The following LMNB1 variants were observed in gnomAD, a reference collection of about 807,000 sequenced individuals.
LMNB1 encodes the protein lamin-B1.
Under a neutral mutation model 67.1 loss-of-function variants are expected in LMNB1, and 23 were observed. The observed-to-expected ratio is 0.34, with a 90% CI of 0.25 to 0.49. The LOEUF is 0.49. Among genes scored for constraint, LMNB1 ranks in the 20% least tolerant of loss-of-function variants. The probability of loss-of-function intolerance (pLI) is 0.99; values close to 1 mark genes in which losing one functional copy is unlikely to be tolerated. For missense variants in LMNB1, 634 were observed against 746.5 expected (o/e 0.85, Z 1.76); for synonymous variants, 281 against 282.9 (o/e 0.99, Z 0.07).
At chr5:126,810,129 AATGCAG>A in intron 3 of LMNB1, 45 bp from the exon 4 acceptor site, 2 of 1,542,372 alleles carry the variant, frequency 1.3e-6, no homozygotes, top group Non-Finnish European at 1.8e-6. Flanking sequence ...GATGTGTACC[AATGCAG>A]CCATGGTAAG....
chr5:126,779,918 G>T (rs1490216367), intron 1 of LMNB1, among the ~76,000 whole-genome samples: 1 of 152,230 alleles, frequency 6.6e-6, no homozygotes, highest in East Asian at 1.9e-4. Context: ...TGTAGTCTCA[G>T]CTACTTGGGA....
At chr5:126,822,757 C>G in intron 7 of LMNB1, 24 bp from the exon 8 acceptor site, 1 of 1,392,006 alleles carries the variant, frequency 7.2e-7, no homozygotes, top group Non-Finnish European at 1.0e-6. Flanking sequence ...AAGTAACACC[C>G]CTCACCCTCC....
chr5:126,819,759 A>G (rs1171507049), intron 6 of LMNB1, among the ~76,000 whole-genome samples: 1 of 152,074 alleles, frequency 6.6e-6, no homozygotes, highest in East Asian at 1.9e-4. Flanking sequence ...AAGTGCTAGG[A>G]TTACAGGTGT....
intron 9 of LMNB1, among the ~76,000 whole-genome samples, chr5:126,828,283 A>G (rs531863925): frequency 3.3e-5 from 5 of 152,318 alleles, no homozygotes; most frequent in African/African-American, 1.2e-4. Context: ...TTCGTGAGCC[A>G]TGGAATCTAG....
Position 126,818,917 on chromosome 5 carries a change from T to G in LMNB1, c.940-5T>G, listed in dbSNP as rs1045053003. On this transcript the variant is annotated splice_polypyrimidine_tract_variant and splice_region_variant and intron_variant, in intron 5 of 10. Coordinates refer to ENST00000261366, the MANE Select transcript of LMNB1 (RefSeq NM_005573.4). ...GAAAGTAAATATGTTTCCTTGCATCTTAAGTCTAGAGCATGTTTGGAAAGG... is the reference window on the plus strand; with the variant it reads ...GAAAGTAAATATGTTTCCTTGCATCGTAAGTCTAGAGCATGTTTGGAAAGG... The G allele has an allele frequency of 3.1e-6, 5 of 1,602,916 alleles. No individual in the cohort carries two copies. In the African/African-American group the frequency reaches 6.7e-5, roughly 21 times the overall value.
intron 7 of LMNB1, among the ~76,000 whole-genome samples, chr5:126,822,245 C>A (rs1294910958): frequency 6.6e-6 from 1 of 152,210 alleles, no homozygotes; most frequent in Non-Finnish European, 1.5e-5. Flanking sequence ...CCGCCTTGGC[C>A]TCCTAAAGTG....
chr5:126,795,493 A>G (rs895661144), intron 1 of LMNB1, among the ~76,000 whole-genome samples: 3 of 152,076 alleles, frequency 2.0e-5, no homozygotes, highest in African/African-American at 7.2e-5. Context: ...GACTTTCTGC[A>G]TGTTATGTAT....
At position 126,777,362 on chromosome 5, in the gene LMNB1, T is replaced by G. The variant is rs1218380630; in HGVS notation, c.-147T>G. 1.1e-6 allele frequency: 1 copy of G among 918,854 alleles called. No individual in the cohort carries two copies. The highest frequency in any genetic ancestry group is 1.4e-6 in the Non-Finnish European group (1 of 703,828). The allele number at this position is 918,854 out of a possible 1,614,324, so 56.9% of individuals were successfully genotyped here. ...GTAATCGAGCTCCCGCCATCCCAGG[T>G]GCTTCTCCGTTCCTCTAAACGCCAG... is the stretch of plus-strand genomic sequence containing the variant. On this transcript the variant is annotated 5_prime_UTR_variant, in exon 1 of 11. Transcript: ENST00000261366.
chr5:126,805,750 T>G, intron 3 of LMNB1, 54 bp downstream of exon 3: 1 of 1,201,962 alleles, frequency 8.3e-7, no homozygotes, highest in Non-Finnish European at 1.2e-6. Context: ...TAGAATGACT[T>G]TGTCATAGCT....
intron 9 of LMNB1, among the ~76,000 whole-genome samples, chr5:126,829,304 G>C (rs1752074260): frequency 6.6e-6 from 1 of 151,818 alleles, no homozygotes; most frequent in South Asian, 2.1e-4. Context: ...TTTCTCTTCT[G>C]GTTGCCTCCC....
In LMNB1 at chr5:126,821,043, A is replaced by G. The variant is rs754595053; in HGVS notation, c.1294A>G (p.Ile432Val). The G allele has an allele frequency of 1.2e-6, 2 of 1,614,082 alleles. No homozygotes were observed. The highest frequency in any genetic ancestry group is 1.3e-5 in the African/African-American group (1 of 75,036). ...ATCAGAGGCGAGTAGTAGTGTTAGCATCTCTCATTCCGCCTCAGCCACTGG... is the reference window on the plus strand; with the variant it reads ...ATCAGAGGCGAGTAGTAGTGTTAGCGTCTCTCATTCCGCCTCAGCCACTGG... ...EESEASSSVS[I>V]SHSASATGNV... The change falls in exon 7 of 11, where the codon ATC becomes GTC. Residue 432 changes from isoleucine to valine, a missense_variant. Physicochemically the swap from Ile to Val is conservative, Grantham distance 29. Transcript: ENST00000261366.
chr5:126,808,492 C>CT (rs550293350), intron 3 of LMNB1, among the ~76,000 whole-genome samples: 10,283 of 146,982 alleles, frequency 0.07, 405 homozygotes, highest in Middle Eastern at 0.1. Context: ...CTGGCCTTAA[C>CT]TTTTTTTTTT....
At chr5:126,798,058 C>T (rs1209512821) in intron 1 of LMNB1, among the ~76,000 whole-genome samples, 1 of 152,066 alleles carries the variant, frequency 6.6e-6, no homozygotes, top group Non-Finnish European at 1.5e-5. Flanking sequence ...ATTGCTTGAA[C>T]CCAGGAGGTA....
At chr5:126,832,638 C>G (rs1280192642) in intron 9 of LMNB1, 56 bp from the exon 10 acceptor site, 2 of 1,247,756 alleles carry the variant, frequency 1.6e-6, no homozygotes, top group East Asian at 4.9e-5. Flanking sequence ...GGTCCCTCTC[C>G]CCCGCATTTG....
At chr5:126,788,072 T>C (rs1443727810) in intron 1 of LMNB1, among the ~76,000 whole-genome samples, 2 of 151,912 alleles carry the variant, frequency 1.3e-5, no homozygotes, top group Non-Finnish European at 2.9e-5. Context: ...GAAGGTGGAT[T>C]TAAGAGATAC....
At chr5:126,808,785 A>T (rs1751516108) in intron 3 of LMNB1, among the ~76,000 whole-genome samples, 1 of 152,242 alleles carries the variant, frequency 6.6e-6, no homozygotes, top group African/African-American at 2.4e-5. Flanking sequence ...GAAGAAATGC[A>T]AAGGAAAATA....
intron 2 of LMNB1, 96 bp from the exon 3 acceptor site, chr5:126,805,475 T>G (rs1751391844): frequency 1.2e-6 from 1 of 826,484 alleles, no homozygotes; most frequent in African/African-American, 1.7e-5. Flanking sequence ...ATATAGGAAT[T>G]TTAACACTTG....
chr5:126,820,804 A>G, intron 6 of LMNB1, 106 bp from the exon 7 acceptor site: 2 of 851,816 alleles, frequency 2.3e-6, no homozygotes, highest in Non-Finnish European at 3.6e-6. Context: ...GTTGGGTTAC[A>G]GACATGAGCC....
intron 1 of LMNB1, among the ~76,000 whole-genome samples, chr5:126,801,177 G>T (rs1455722817): frequency 2.7e-5 from 4 of 150,070 alleles, no homozygotes; most frequent in African/African-American, 9.8e-5. Context: ...TAGAGATGGG[G>T]TCTCACCGTG....
Sources: gnomAD v4.1 joint callset for allele counts (sites outside exome capture counted in the v4.1 genomes callset) on GRCh38, gnomAD v4.1.1 for gene constraint, MANE v1.5 for transcripts, NCBI Gene and HGNC (gene_info 2026-07-23, HGNC 2026-07-21) for gene names.